Variants in DNAH6 observed in about 807,000 individuals in gnomAD.
DNAH6 encodes the protein axonemal beta dynein heavy chain 6.
DNAH6 carries 340 observed loss-of-function variants against 491.4 expected under a neutral mutation model. The observed-to-expected ratio is 0.69, with a 90% confidence interval of 0.63 to 0.76. The LOEUF is 0.76. DNAH6 is among the 30% of genes least tolerant of loss of function. The pLI is 0.00. For synonymous variants in DNAH6, 1,603 were observed against 1,686.1 expected (o/e 0.95, Z 1.21); for missense variants, 4,443 against 4,972.2 (o/e 0.89, Z 3.20).
In DNAH6 at chr2:84,525,489, G is replaced by A. The variant is rs1573499857; in HGVS notation, c.226-76G>A. 7.2e-6 allele frequency: 10 copies of A among 1,398,526 alleles called. No homozygotes were observed. The East Asian group carries it at 1.3e-4, about 18-fold the overall frequency. The allele number at this position is 1,398,526 out of a possible 1,614,324, so 86.6% of individuals were successfully genotyped here. The stretch of plus-strand genomic sequence containing the variant: ...AGATCAATTTCCAACAGGAGAAAGA[G>A]TCCAAAGGTAGTGAAAAATAAAACA... On this transcript the variant is annotated intron_variant, in intron 2 of 76. Coordinates refer to ENST00000389394, the MANE Select transcript of DNAH6 (RefSeq NM_001370.2).
chr2:84,727,236 A>G (rs1698722781), intron 60 of DNAH6, among the ~76,000 whole-genome samples: 1 of 152,064 alleles, frequency 6.6e-6, no homozygotes. Flanking sequence ...GAATATTGTC[A>G]AGAGCTTGGT....
In DNAH6 at chr2:84,624,503, G is replaced by A; in HGVS notation, c.4236G>A (p.Leu1412=). 1 of 1,551,912 alleles carries A rather than the reference G, an allele frequency of 6.4e-7. No individual in the cohort carries two copies. The highest frequency in any genetic ancestry group is 8.7e-7 in the Non-Finnish European group (1 of 1,146,982). ...AATCTTTTGACTGGCAGAGACAACTGCGCTATTACTGGGATATAGACCTGG... is the reference window on the plus strand; with the variant it reads ...AATCTTTTGACTGGCAGAGACAACTACGCTATTACTGGGATATAGACCTGG... The part of the protein sequence containing the change: ...TVESFDWQRQ[L]RYYWDIDLDN... The change falls in exon 28 of 77, where the codon CTG becomes CTA. Residue 1412 remains leucine (L), a synonymous_variant. Coordinates refer to ENST00000389394, the MANE Select transcript of DNAH6 (RefSeq NM_001370.2).
intron 45 of DNAH6, among the ~76,000 whole-genome samples, chr2:84,691,249 TAATC>T (rs988442214): frequency 2.0e-4 from 30 of 152,128 alleles, no homozygotes; most frequent in Middle Eastern, 3.2e-3. Flanking sequence ...CAGATAGAAA[TAATC>T]AAACTGCTAT....
chr2:84,721,913 G>A (rs1220968847), intron 59 of DNAH6, among the ~76,000 whole-genome samples: 1 of 152,184 alleles, frequency 6.6e-6, no homozygotes, highest in Non-Finnish European at 1.5e-5. Context: ...AACAGTGGGG[G>A]AAGAGAGAGG....
intron 11 of DNAH6, among the ~76,000 whole-genome samples, chr2:84,563,353 G>A (rs541008308): frequency 6.6e-6 from 1 of 152,280 alleles, no homozygotes; most frequent in African/African-American, 2.4e-5. Flanking sequence ...CACTAATTGT[G>A]TATAAGCATT....
At chr2:84,600,705 C>T (rs1377846791) in intron 18 of DNAH6, among the ~76,000 whole-genome samples, 3 of 152,084 alleles carry the variant, frequency 2.0e-5, no homozygotes, top group East Asian at 3.9e-4. Context: ...ATCCAAAATA[C>T]ATGCTATCAA....
At chr2:84,506,026 C>T in the DNAH6 span, among the ~76,000 whole-genome samples, 2 of 152,196 alleles carry the variant, frequency 1.3e-5, no homozygotes, top group African/African-American at 4.8e-5. Flanking sequence ...CATACATATG[C>T]ATGTGTCTTT....
chr2:84,652,125 TATG>T (rs756428662), intron 33 of DNAH6, among the ~76,000 whole-genome samples: 53 of 152,098 alleles, frequency 3.5e-4, no homozygotes, highest in Non-Finnish European at 6.8e-4. Context: ...TTTGCACACG[TATG>T]ATATTTCTAC....
At chr2:84,786,485 T>C (rs935818776) in intron 67 of DNAH6, among the ~76,000 whole-genome samples, 9 of 151,574 alleles carry the variant, frequency 5.9e-5, no homozygotes, top group Non-Finnish European at 1.5e-5. Flanking sequence ...TTAAAAGGTC[T>C]TAGAGGAGGT....
chr2:84,492,981 G>A, the DNAH6 span, among the ~76,000 whole-genome samples: 1 of 151,890 alleles, frequency 6.6e-6, no homozygotes, highest in Non-Finnish European at 1.5e-5. Flanking sequence ...CATGGTGACC[G>A]CTTTCTATAT....
chr2:84,475,099 T>C, the DNAH6 span, among the ~76,000 whole-genome samples: 2 of 152,214 alleles, frequency 1.3e-5, no homozygotes, highest in East Asian at 3.9e-4. Flanking sequence ...CAATTATTCA[T>C]GTATGTACAG....
chr2:84,724,993 G>A (rs1698492075), intron 60 of DNAH6, among the ~76,000 whole-genome samples: 1 of 152,172 alleles, frequency 6.6e-6, no homozygotes, highest in Non-Finnish European at 1.5e-5. Context: ...TATTTGATAT[G>A]CTTCATCTGG....
chr2:84,576,362 TA>T (rs1474889437), intron 12 of DNAH6, among the ~76,000 whole-genome samples: 1 of 152,082 alleles, frequency 6.6e-6, no homozygotes, highest in Non-Finnish European at 1.5e-5. Context: ...GTGTTCTTTA[TA>T]CTATATCAAA....
intron 46 of DNAH6, among the ~76,000 whole-genome samples, chr2:84,696,000 A>G (rs372216027): frequency 1.3e-5 from 2 of 152,160 alleles, no homozygotes; most frequent in South Asian, 2.1e-4. Flanking sequence ...GTGTCTATAC[A>G]TGAACTTATA....
the DNAH6 span, among the ~76,000 whole-genome samples, chr2:84,479,903 T>G: frequency 1.3e-5 from 2 of 152,250 alleles, no homozygotes; most frequent in Admixed American, 1.3e-4. Context: ...TTCAGCATTT[T>G]CGTGGCTTAA....
intron 24 of DNAH6, 114 bp downstream of exon 24, chr2:84,620,018 A>G (rs575549037): frequency 3.5e-5 from 34 of 960,536 alleles, no homozygotes; most frequent in African/African-American, 2.3e-4. Context: ...AGGATAACCA[A>G]GATAAAATTC....
At chr2:84,762,570 G>A (rs1032241714) in intron 63 of DNAH6, among the ~76,000 whole-genome samples, 185 bp from the exon 64 acceptor site, 3 of 152,074 alleles carry the variant, frequency 2.0e-5, no homozygotes, top group Non-Finnish European at 4.4e-5. Flanking sequence ...GAGAACCATA[G>A]CTGTCCACAG....
intron 40 of DNAH6, 134 bp downstream of exon 40, chr2:84,672,618 A>G: frequency 1.2e-6 from 1 of 811,372 alleles, no homozygotes; most frequent in Non-Finnish European, 1.9e-6. Context: ...ATTTTCTCAT[A>G]ATTCTGAAGA....
intron 7 of DNAH6, 120 bp from the exon 8 acceptor site, chr2:84,548,168 C>A: frequency 9.1e-7 from 1 of 1,104,922 alleles, no homozygotes; most frequent in Middle Eastern, 2.6e-4. Flanking sequence ...GTTTGAATTG[C>A]TTCGTGTACC....
Sources: gnomAD v4.1 joint callset for allele counts (sites outside exome capture counted in the v4.1 genomes callset) on GRCh38, gnomAD v4.1.1 for gene constraint, MANE v1.5 for transcripts, NCBI Gene and HGNC (gene_info 2026-07-23, HGNC 2026-07-21) for gene names.